Variants in LCMT1 observed in about 807,000 individuals in gnomAD.
LCMT1 encodes the protein leucine carboxyl methyltransferase 1, also known as [Phosphatase 2A protein]-leucine-carboxy methyltransferase 1.
Under a neutral mutation model 47.7 loss-of-function variants are expected in LCMT1, and 32 were observed. The observed-to-expected ratio is 0.67, with a 90% CI of 0.51 to 0.90. The LOEUF is 0.90. Ranked by LOEUF, LCMT1 falls within the 40% of genes least tolerant of loss-of-function variation. LCMT1 has a pLI of 0.00. For synonymous variants in LCMT1, 152 were observed against 149.7 expected (o/e 1.02, Z -0.11); for missense variants, 375 against 415.2 (o/e 0.90, Z 0.84).
At chr16:25,158,235 T>G (rs1355682566) in intron 5 of LCMT1, among the ~76,000 whole-genome samples, 3 of 152,206 alleles carry the variant, frequency 2.0e-5, no homozygotes, top group Non-Finnish European at 2.9e-5. Flanking sequence ...CATTGCAACC[T>G]CCGCCTCCTG....
intron 2 of LCMT1, among the ~76,000 whole-genome samples, chr16:25,130,342 A>T (rs1331143334): frequency 9.1e-5 from 1 of 11,044 alleles, no homozygotes; most frequent in Non-Finnish European, 2.9e-4. Flanking sequence ...TCCATCTCAA[A>T]AAAAAAAAAA....
intron 5 of LCMT1, among the ~76,000 whole-genome samples, chr16:25,153,946 A>T (rs1464233259): frequency 1.3e-5 from 2 of 152,128 alleles, no homozygotes; most frequent in African/African-American, 2.4e-5. Context: ...GCATGAGATG[A>T]GAGTCTATCC....
At chr16:25,134,498 T>G (rs1263619264) in intron 3 of LCMT1, among the ~76,000 whole-genome samples, 1 of 152,222 alleles carries the variant, frequency 6.6e-6, no homozygotes, top group Non-Finnish European at 1.5e-5. Flanking sequence ...ATCTGCCCAT[T>G]AAACTCCGGA....
chr16:25,121,248 A>G (rs879456770), intron 1 of LCMT1, among the ~76,000 whole-genome samples: 2 of 151,796 alleles, frequency 1.3e-5, no homozygotes, highest in Non-Finnish European at 2.9e-5. Context: ...CGTCTCTACT[A>G]AAAATACGAA....
At chr16:25,171,488 T>G (rs1961770658) in intron 9 of LCMT1, among the ~76,000 whole-genome samples, 1 of 152,066 alleles carries the variant, frequency 6.6e-6, no homozygotes, top group Non-Finnish European at 1.5e-5. Flanking sequence ...TGAAACAAGT[T>G]AAACACTGAT....
rs115561977 is a variant in LCMT1 at position 25,129,471 on chromosome 16, T to G, written c.205+905T>G. Among the ~76,000 whole-genome samples the G allele has an allele frequency of 4.2e-3, 643 of 152,370 alleles. 3 individuals are homozygous for G. The highest frequency in any genetic ancestry group is 0.014 in the African/African-American group (566 of 41,590). ...TGTTTCTCCTATTTATAAGTGACGT[T>G]GAGGATCATTTTCATGTGTTTGAAG... is the stretch of plus-strand genomic sequence containing the variant. On this transcript the variant is annotated intron_variant, in intron 2 of 10. Coordinates refer to ENST00000399069, the MANE Select transcript of LCMT1 (RefSeq NM_016309.3).
At chr16:25,143,551 C>G (rs1960760266) in intron 4 of LCMT1, 1 of 152,074 alleles carries the variant, frequency 6.6e-6, no homozygotes, top group African/African-American at 2.4e-5. Flanking sequence ...GGTAGGGAAA[C>G]CCTTGACCCG....
At chr16:25,173,101 C>T (rs555286254) in intron 9 of LCMT1, among the ~76,000 whole-genome samples, 11 of 152,144 alleles carry the variant, frequency 7.2e-5, no homozygotes, top group East Asian at 1.9e-4. Context: ...CTGCTTTTGC[C>T]GGAAACTGTA....
At chr16:25,169,757 C>T (rs202112519) in intron 8 of LCMT1, among the ~76,000 whole-genome samples, 5 of 151,646 alleles carry the variant, frequency 3.3e-5, no homozygotes, top group Non-Finnish European at 7.4e-5. Context: ...TTTAAAAAAC[C>T]TTTTTTTTAT....
At chr16:25,157,096 GA>G (rs1961282350) in intron 5 of LCMT1, among the ~76,000 whole-genome samples, 1 of 152,096 alleles carries the variant, frequency 6.6e-6, no homozygotes, top group African/African-American at 2.4e-5. Flanking sequence ...CACATCTCTC[GA>G]AATGCACCTG....
intron 3 of LCMT1, among the ~76,000 whole-genome samples, chr16:25,138,487 G>A (rs142684717): frequency 6.6e-6 from 1 of 152,076 alleles, no homozygotes; most frequent in African/African-American, 2.4e-5. Context: ...TACCAAGCAA[G>A]CCAGGTGACC....
chr16:25,151,895 G>T, intron 5 of LCMT1, among the ~76,000 whole-genome samples: 1 of 151,708 alleles, frequency 6.6e-6, no homozygotes, highest in Non-Finnish European at 1.5e-5. Context: ...GGCAAAAGGA[G>T]GAGGAATTTA....
At chr16:25,122,789 A>G (rs1960031839) in intron 1 of LCMT1, among the ~76,000 whole-genome samples, 3 of 151,966 alleles carry the variant, frequency 2.0e-5, no homozygotes, top group African/African-American at 4.8e-5. Context: ...CAACTTGTAC[A>G]GTACATTTCA....
At chr16:25,144,964 T>G (rs277910) in intron 4 of LCMT1, 1 of 152,038 alleles carries the variant, frequency 6.6e-6, no homozygotes, top group Non-Finnish European at 1.5e-5. Context: ...TTCAAAAGAT[T>G]GTTGACATTT....
intron 4 of LCMT1, chr16:25,146,518 G>A (rs1369165394): frequency 6.6e-6 from 1 of 152,292 alleles, no homozygotes. Context: ...GAATCCTAGG[G>A]TCACCCTGAG....
intron 1 of LCMT1, among the ~76,000 whole-genome samples, chr16:25,126,817 T>C (rs1960206595): frequency 1.3e-5 from 2 of 152,208 alleles, no homozygotes; most frequent in South Asian, 4.1e-4. Flanking sequence ...AGTGACTTGA[T>C]GTTGCTGCCT....
At chr16:25,130,976 G>A (rs1445449596) in intron 2 of LCMT1, among the ~76,000 whole-genome samples, 2 of 152,240 alleles carry the variant, frequency 1.3e-5, no homozygotes, top group African/African-American at 4.8e-5. Context: ...GCCTGAGAGG[G>A]AAGAGATGGA....
intron 6 of LCMT1, 56 bp downstream of exon 6, chr16:25,161,260 G>C (rs1961425093): frequency 2.2e-6 from 2 of 914,278 alleles, no homozygotes; most frequent in Non-Finnish European, 1.7e-6. Context: ...CTAATTATGA[G>C]ATAAGGCCAG....
intron 3 of LCMT1, among the ~76,000 whole-genome samples, chr16:25,136,111 A>G (rs943463775): frequency 6.6e-6 from 1 of 150,610 alleles, no homozygotes; most frequent in South Asian, 2.1e-4. Context: ...AAAAAAAAAA[A>G]GGAAAGGAAT....
Sources: allele counts gnomAD v4.1 joint callset (sites outside exome capture counted in the v4.1 genomes callset), GRCh38; gene constraint gnomAD v4.1.1; transcripts MANE v1.5; gene names NCBI Gene and HGNC (gene_info 2026-07-23, HGNC 2026-07-21).